PAWR: variants seen among roughly 807,000 people sequenced by gnomAD.
PAWR encodes pro-apoptotic WT1 regulator.
Under a neutral mutation model 32.0 loss-of-function variants are expected in PAWR, and 23 were observed. The ratio of observed to expected loss-of-function variants is 0.72; its 90% CI spans 0.52 to 1.02. PAWR has a LOEUF of 1.02. PAWR is among the 50% of genes least tolerant of loss of function. The pLI is 0.00. For synonymous variants in PAWR, 226 were observed against 187.1 expected (o/e 1.21, Z -1.70); for missense variants, 457 against 437.7 (o/e 1.04, Z -0.39).
intron 4 of PAWR, among the ~76,000 whole-genome samples, chr12:79,606,927 ATAT>A (rs1273521726): frequency 2.0e-5 from 3 of 152,104 alleles, no homozygotes; most frequent in Non-Finnish European, 4.4e-5. Flanking sequence ...GTACACACTA[ATAT>A]TATATAAATA....
rs1429444551 is a variant in PAWR, at chr12:79,587,200, A to G, written c.*5407T>C. On this transcript the variant is annotated 3_prime_UTR_variant, in exon 7 of 7. Transcript: ENST00000328827. ...TTGCTAGTGGAATACGTCCTTATAT[A>G]GGGACTTGAAGAGTTTATCTAAATA... 6.6e-6 allele frequency: 1 copy of G among 152,044 alleles called. No individual in the cohort carries two copies. The highest frequency in any genetic ancestry group is 6.6e-5 in the Admixed American group (1 of 15,264). 9.4% of individuals were successfully genotyped at this position (152,044 alleles called of 1,614,324 possible).
In PAWR at chr12:79,586,956, G is replaced by A. The variant is rs1028067645; in HGVS notation, c.*5651C>T. 5 of 152,002 alleles carry A rather than the reference G, an allele frequency of 3.3e-5. No homozygotes were observed. Among genetic ancestry groups the A allele is most frequent in the Non-Finnish European group, 5.9e-5 (4 of 67,952 alleles). 9.4% of individuals were successfully genotyped at this position (152,002 alleles called of 1,614,324 possible). On this transcript the variant is annotated 3_prime_UTR_variant, in exon 7 of 7. Coordinates refer to ENST00000328827, the MANE Select transcript of PAWR (RefSeq NM_002583.4). ...ATAATTCTTTTTAAGAGTTGACCAGGAATGAAATGTAACCTCTTTTAAAGA... is the reference window on the plus strand; with the variant it reads ...ATAATTCTTTTTAAGAGTTGACCAGAAATGAAATGTAACCTCTTTTAAAGA...
intron 2 of PAWR, among the ~76,000 whole-genome samples, chr12:79,679,593 T>C (rs1399885796): frequency 1.3e-5 from 2 of 152,144 alleles, no homozygotes; most frequent in African/African-American, 2.4e-5. Flanking sequence ...AGAGGCTGAG[T>C]ATTTAAGTAA....
In PAWR at chr12:79,639,881, T is replaced by TATTCCATTCCATTCC. The variant is rs71091678; in HGVS notation, c.517-18689_517-18675dup. On this transcript the variant is annotated intron_variant, in intron 2 of 6. Coordinates refer to ENST00000328827, the MANE Select transcript of PAWR (RefSeq NM_002583.4). ...CTATTCCTATTCCTATTCCTATTCC[T>TATTCCATTCCATTCC]ATTCCATTCCATTCCATTCCATTCC... Among the ~76,000 whole-genome samples, 403 of 112,298 alleles carry TATTCCATTCCATTCC rather than the reference T, an allele frequency of 3.6e-3. 16 individuals carry two copies. Among genetic ancestry groups the TATTCCATTCCATTCC allele is most frequent in the African/African-American group, 0.018 (357 of 19,560 alleles). The allele number at this position is 112,298 out of a possible 152,430, so 73.7% of individuals were successfully genotyped here. A position where few individuals can be genotyped will look rare whatever the true frequency, so the allele number is the denominator to read the frequency against.
chr12:79,632,332 TATATATATATATATATATATATATATA>T (rs1875710599), intron 2 of PAWR, among the ~76,000 whole-genome samples: 4 of 48,734 alleles, frequency 8.2e-5, no homozygotes, highest in African/African-American at 2.9e-4. Context: ...TATATATATA[TATATATATATATATATATATATATATA>T]TATTTTTTTT....
intron 2 of PAWR, among the ~76,000 whole-genome samples, chr12:79,670,147 A>T (rs1877820405): frequency 6.6e-6 from 1 of 152,216 alleles, no homozygotes; most frequent in Non-Finnish European, 1.5e-5. Flanking sequence ...GTTGCACCAC[A>T]GCATGTTTCT....
At chr12:79,596,383 A>C in intron 5 of PAWR, 128 bp downstream of exon 5, 1 of 558,306 alleles carries the variant, frequency 1.8e-6, no homozygotes, top group Non-Finnish European at 3.1e-6. Context: ...TAAAGGTAAC[A>C]GTTGGCAGAA....
At chr12:79,608,030 CAA>C (rs1175997647) in intron 4 of PAWR, among the ~76,000 whole-genome samples, 1 of 133,100 alleles carries the variant, frequency 7.5e-6, no homozygotes, top group Non-Finnish European at 1.6e-5. Context: ...GCCTGGGCGA[CAA>C]GAGCAAAACT....
chr12:79,600,647 G>GTT (rs1873924584), intron 4 of PAWR, among the ~76,000 whole-genome samples: 1 of 124,744 alleles, frequency 8.0e-6, no homozygotes, highest in African/African-American at 4.0e-5. Flanking sequence ...ACCATACCTG[G>GTT]CTTTTTTTTT....
chr12:79,604,749 C>T, intron 4 of PAWR: 2 of 1,191,132 alleles, frequency 1.7e-6, no homozygotes. Flanking sequence ...CACATAAGCA[C>T]ATACACCAAC....
At chr12:79,668,723 G>A (rs1877735855) in intron 2 of PAWR, among the ~76,000 whole-genome samples, 1 of 152,216 alleles carries the variant, frequency 6.6e-6, no homozygotes. Flanking sequence ...AAGCGATGGG[G>A]AATGGCTGTA....
chr12:79,629,086 G>GA (rs750492875), intron 2 of PAWR, among the ~76,000 whole-genome samples: 62 of 151,364 alleles, frequency 4.1e-4, no homozygotes, highest in Non-Finnish European at 7.7e-4. Context: ...AATGCAGGCA[G>GA]AAAAAAAAGG....
intron 4 of PAWR, among the ~76,000 whole-genome samples, chr12:79,598,195 T>A (rs1453408218): frequency 1.3e-5 from 2 of 152,198 alleles, no homozygotes; most frequent in African/African-American, 4.8e-5. Context: ...GTGAGAGGAT[T>A]ATACACAGTG....
chr12:79,605,447 G>A (rs1874134849), intron 4 of PAWR, among the ~76,000 whole-genome samples: 1 of 151,704 alleles, frequency 6.6e-6, no homozygotes, highest in African/African-American at 2.4e-5. Context: ...GTCCTAAACA[G>A]CCAGGCATAG....
chr12:79,629,969 G>C (rs922516284), intron 2 of PAWR, among the ~76,000 whole-genome samples: 1 of 151,762 alleles, frequency 6.6e-6, no homozygotes, highest in African/African-American at 2.4e-5. Flanking sequence ...CCTAAAAGCA[G>C]AGCTTAGAAG....
chr12:79,647,900 G>A (rs967364759), intron 2 of PAWR, among the ~76,000 whole-genome samples: 16 of 152,212 alleles, frequency 1.1e-4, no homozygotes, highest in African/African-American at 1.7e-4. Flanking sequence ...GACAGGGGCA[G>A]GGGGATGGTT....
At chr12:79,648,088 G>A (rs551633845) in intron 2 of PAWR, among the ~76,000 whole-genome samples, 9 of 152,288 alleles carry the variant, frequency 5.9e-5, no homozygotes, top group East Asian at 5.8e-4. Context: ...GCTTGCCAGC[G>A]GCTCACCTCC....
intron 2 of PAWR, among the ~76,000 whole-genome samples, chr12:79,654,580 C>T (rs2136807272): frequency 6.6e-6 from 1 of 152,296 alleles, no homozygotes; most frequent in South Asian, 2.1e-4. Flanking sequence ...CGTTTTCACA[C>T]TGCTACAAAG....
chr12:79,615,847 T>C (rs187218267), intron 3 of PAWR, among the ~76,000 whole-genome samples: 2 of 152,006 alleles, frequency 1.3e-5, no homozygotes, highest in Admixed American at 6.6e-5. Flanking sequence ...ACTTGAGCCC[T>C]GGAAGTCAAA....
Sources: allele counts gnomAD v4.1 joint callset (sites outside exome capture counted in the v4.1 genomes callset), GRCh38; gene constraint gnomAD v4.1.1; transcripts MANE v1.5; gene names NCBI Gene and HGNC (gene_info 2026-07-23, HGNC 2026-07-21).